Variants in COL23A1 observed in about 807,000 individuals in gnomAD.
The protein encoded by COL23A1 is collagen alpha-1(XXIII) chain.
A neutral mutation model predicts 99.3 loss-of-function variants in COL23A1; 97 were observed. That is an observed-to-expected ratio of 0.98 (90% CI 0.83 to 1.16). COL23A1 has a LOEUF of 1.16. Among genes scored for constraint, COL23A1 ranks in the 50% most tolerant of loss-of-function variants. The pLI is 0.00. For synonymous variants in COL23A1, 320 were observed against 308.2 expected (o/e 1.04, Z -0.40); for missense variants, 762 against 757.4 (o/e 1.01, Z -0.07).
intron 5 of COL23A1, among the ~76,000 whole-genome samples, chr5:178,282,965 G>A (rs2127578452): frequency 6.6e-6 from 1 of 152,204 alleles, no homozygotes; most frequent in South Asian, 2.1e-4. Flanking sequence ...CTGCCTCCTG[G>A]GTTCAAGTGA....
At chr5:178,323,155 C>T (rs1759441901) in intron 2 of COL23A1, among the ~76,000 whole-genome samples, 1 of 152,132 alleles carries the variant, frequency 6.6e-6, no homozygotes, top group African/African-American at 2.4e-5. Flanking sequence ...GAGGGCAGCC[C>T]AGCTGTGTGT....
At chr5:178,337,475 C>G (rs1475789012) in intron 2 of COL23A1, among the ~76,000 whole-genome samples, 3 of 152,196 alleles carry the variant, frequency 2.0e-5, no homozygotes, top group African/African-American at 7.2e-5. Flanking sequence ...GAGACCCTTC[C>G]AGAAACTGGG....
intron 2 of COL23A1, among the ~76,000 whole-genome samples, chr5:178,455,763 G>T (rs977655120): frequency 6.6e-6 from 1 of 151,994 alleles, no homozygotes; most frequent in East Asian, 1.9e-4. Flanking sequence ...AGGTCAGAGC[G>T]GAGGACCAGC....
chr5:178,321,963 C>T (rs1759344409), intron 2 of COL23A1, among the ~76,000 whole-genome samples: 1 of 151,056 alleles, frequency 6.6e-6, no homozygotes, highest in Non-Finnish European at 1.5e-5. Flanking sequence ...TACAGGTGTG[C>T]ACCACCACGC....
intron 2 of COL23A1, among the ~76,000 whole-genome samples, chr5:178,545,374 A>G (rs1345336741): frequency 6.6e-6 from 1 of 152,190 alleles, no homozygotes; most frequent in Admixed American, 6.5e-5. Flanking sequence ...GGCCACTTCA[A>G]GCCCATTAGT....
chr5:178,247,692 G>A, intron 21 of COL23A1, 83 bp downstream of exon 21: 1 of 1,548,686 alleles, frequency 6.5e-7, no homozygotes, highest in Non-Finnish European at 8.9e-7. Context: ...CTCTCTCCTG[G>A]GTCATGGCTC....
chr5:178,276,692 A>T (rs534225642), intron 5 of COL23A1, among the ~76,000 whole-genome samples: 2 of 152,190 alleles, frequency 1.3e-5, no homozygotes, highest in African/African-American at 2.4e-5. Flanking sequence ...CTGCAGCAAG[A>T]CTGTCCGGGG....
chr5:178,343,660 TATA>T (rs979589234), intron 2 of COL23A1, among the ~76,000 whole-genome samples: 3 of 14,252 alleles, frequency 2.1e-4, no homozygotes, highest in African/African-American at 5.0e-4. Flanking sequence ...ATTATATATA[TATA>T]TTTTTTTTTT....
chr5:178,420,382 CCCCCCTT>C (rs1765544723), intron 2 of COL23A1, among the ~76,000 whole-genome samples: 3 of 121,500 alleles, frequency 2.5e-5, no homozygotes, highest in African/African-American at 3.3e-5. Flanking sequence ...CTCCTCCCCT[CCCCCCTT>C]TCCCCCTCCC....
At chr5:178,357,748 ATGTG>A (rs940563432) in intron 2 of COL23A1, among the ~76,000 whole-genome samples, 3 of 138,292 alleles carry the variant, frequency 2.2e-5, no homozygotes, top group African/African-American at 5.4e-5. Context: ...ATGTACGTGT[ATGTG>A]TGTGTGTACG....
In COL23A1 at chr5:178,255,257, G is replaced by A. The variant is rs970905163; in HGVS notation, c.883-231C>T. Among the ~76,000 whole-genome samples, 2 of 152,086 alleles carry A rather than the reference G, an allele frequency of 1.3e-5. No individual in the cohort carries two copies. The highest frequency in any genetic ancestry group is 2.1e-4 in the South Asian group (1 of 4,816). On this transcript the variant is annotated intron_variant, in intron 15 of 28. Transcript: ENST00000390654. This position sits in a 1 kb window ranked among gnomAD's most constrained non-coding sequence, Gnocchi z 4.2. Reference sequence around the variant, plus strand: ...GAGGGGCGGCTGTAATTGCCCTCACGTGGGCATTCAGGCCTGACCCCTGAG... The same window carrying A: ...GAGGGGCGGCTGTAATTGCCCTCACATGGGCATTCAGGCCTGACCCCTGAG...
At chr5:178,531,057 G>A (rs1337528332) in intron 2 of COL23A1, among the ~76,000 whole-genome samples, 1 of 152,110 alleles carries the variant, frequency 6.6e-6, no homozygotes, top group Non-Finnish European at 1.5e-5. Flanking sequence ...TAGTAGACAC[G>A]GGGTTTTTCC....
chr5:178,391,089 G>C (rs1763939889), intron 2 of COL23A1, among the ~76,000 whole-genome samples: 2 of 152,216 alleles, frequency 1.3e-5, no homozygotes, highest in South Asian at 4.1e-4. Context: ...TGTCAGATCA[G>C]CAGCGGCATC....
At chr5:178,438,500 T>C (rs1581391822) in intron 2 of COL23A1, among the ~76,000 whole-genome samples, 1 of 152,198 alleles carries the variant, frequency 6.6e-6, no homozygotes, top group Non-Finnish European at 1.5e-5. Context: ...CTGGTGTTTA[T>C]GTATCATATG....
chr5:178,484,166 C>T lies in COL23A1; in HGVS notation c.361+76516G>A, dbSNP rs139851680. Among the ~76,000 whole-genome samples, 969 of 152,212 alleles carry T rather than the reference C, an allele frequency of 6.4e-3. 12 individuals are homozygous for T. Among genetic ancestry groups the T allele is most frequent in the African/African-American group, 0.022 (922 of 41,544 alleles). On this transcript the variant is annotated intron_variant, in intron 2 of 28. Transcript: ENST00000390654. ...GTCTTGAACTCGACCTCAGGTGATC[C>T]GCCTACCTCAGCCTCCCAAAGTGCT...
At chr5:178,490,537 TACTGTGACTGTACTTAATGCC>T (rs1757872834) in intron 2 of COL23A1, among the ~76,000 whole-genome samples, 1 of 151,908 alleles carries the variant, frequency 6.6e-6, no homozygotes, top group Non-Finnish European at 1.5e-5. Flanking sequence ...GGCTGCACAA[TACTGTGACTGTACTTAATGCC>T]ACTGAGCTGT....
At position 178,366,568 on chromosome 5, in the gene COL23A1, G is replaced by A. The variant is rs1426399059; in HGVS notation, c.362-59649C>T. Among the ~76,000 whole-genome samples, 5 of 152,016 alleles carry A rather than the reference G, an allele frequency of 3.3e-5. No individual in the cohort carries two copies. The highest frequency in any genetic ancestry group is 7.2e-5 in the African/African-American group (3 of 41,394). On this transcript the variant is annotated intron_variant, in intron 2 of 28. Transcript: ENST00000390654. The surrounding 1 kb of genome is among the most constrained non-coding windows in gnomAD (Gnocchi z 4.4). ...CCAACAGAGTGCTTTCAGATCACCC[G>A]CCCTGCGAAAATGTGTCGGTGATCA... is the stretch of plus-strand genomic sequence containing the variant.
Position 178,340,744 on chromosome 5 carries a change from T to C in COL23A1, c.362-33825A>G, listed in dbSNP as rs1017515494. ...GGGCAGTGAGGGAGTCTCACCGGAA[T>C]GGAGGTGGGCGGGAATGGAGGTGGC... On this transcript the variant is annotated intron_variant, in intron 2 of 28. Coordinates refer to ENST00000390654, the MANE Select transcript of COL23A1 (RefSeq NM_173465.4). The surrounding 1 kb of genome is among the most constrained non-coding windows in gnomAD (Gnocchi z 4.7). 1.3e-5 allele frequency among the ~76,000 whole-genome samples: 2 copies of C among 152,160 alleles called. No homozygotes were observed. Among genetic ancestry groups the C allele is most frequent in the Non-Finnish European group, 2.9e-5 (2 of 68,002 alleles).
chr5:178,471,649 T>C (rs2647697), intron 2 of COL23A1, among the ~76,000 whole-genome samples: 120,346 of 151,948 alleles, frequency 0.79, 49,038 homozygotes, highest in Non-Finnish European at 0.9. Flanking sequence ...ACCTTGCCTT[T>C]GGACCTGCCT....
Sources: gnomAD v4.1 joint callset for allele counts (sites outside exome capture counted in the v4.1 genomes callset) on GRCh38, gnomAD v4.1.1 for gene constraint, Gnocchi (gnomAD v3.1) non-coding constraint, MANE v1.5 for transcripts, NCBI Gene and HGNC (gene_info 2026-07-23, HGNC 2026-07-21) for gene names.